Variants in CLDN12 observed in about 807,000 individuals in gnomAD.
CLDN12 encodes the protein claudin 12.
Under a neutral mutation model 15.5 loss-of-function variants are expected in CLDN12, and 9 were observed. The ratio of observed to expected loss-of-function variants is 0.58; its 90% CI spans 0.35 to 1.02. CLDN12 has a LOEUF of 1.02. CLDN12 is among the 50% of genes least tolerant of loss of function. CLDN12 has a pLI of 0.02. For missense variants in CLDN12, 233 were observed against 297.3 expected, an observed-to-expected ratio of 0.78 and a Z score of 1.59; for synonymous variants, 140 against 121.6, an observed-to-expected ratio of 1.15 and a Z score of -1.00.
At chr7:90,405,369 C>G (rs1443627162) in intron 1 of CLDN12, 150 bp from the exon 2 acceptor site, 1 of 152,134 alleles carries the variant, frequency 6.6e-6, no homozygotes, top group Admixed American at 6.5e-5. Flanking sequence ...GCTAAACTGC[C>G]TTTTTAAAAA....
chr7:90,413,859 T>C lies in CLDN12; in HGVS notation c.*448T>C. On this transcript the variant is annotated 3_prime_UTR_variant, in exon 4 of 4. Coordinates refer to ENST00000496677, the MANE Select transcript of CLDN12 (RefSeq NM_001185072.3). ...ATTTCAGGTAAGGGTAATATTTTAA[T>C]AGTAGTCAATAATCTAGCTTAAGGC... The C allele has an allele frequency of 3.0e-6, 3 of 999,716 alleles. No homozygotes were observed. Among genetic ancestry groups the C allele is most frequent in the Non-Finnish European group, 3.6e-6 (3 of 829,424 alleles). 61.9% of individuals were successfully genotyped at this position (999,716 alleles called of 1,614,324 possible).
chr7:90,414,170 A>C lies in CLDN12; in HGVS notation c.*759A>C. ...CTCTTTTTTGGAGATATCTTCCATC[A>C]AGCAGTACTCGTGCCCATATACAAT... On this transcript the variant is annotated 3_prime_UTR_variant, in exon 4 of 4. Transcript: ENST00000496677. 1 of 1,000,224 alleles carries C rather than the reference A, an allele frequency of 1.0e-6. No homozygotes were observed. Among genetic ancestry groups the C allele is most frequent in the Non-Finnish European group, 1.2e-6 (1 of 830,008 alleles). 62.0% of individuals were successfully genotyped at this position (1,000,224 alleles called of 1,614,324 possible). A position where few individuals can be genotyped will look rare whatever the true frequency, so the allele number is the denominator to read the frequency against.
In CLDN12 at chr7:90,405,537, CTG is replaced by C. The variant is rs773152966; in HGVS notation, c.-146_-145del. On this transcript the variant is annotated 5_prime_UTR_variant, in exon 2 of 4. Transcript: ENST00000496677. ...TCTTTAGGCTCAGATTATTGCTACT[CTG>C]TATTCAGATCTTCATGTGTCTCTTC... The C allele has an allele frequency of 9.2e-5, 14 of 152,172 alleles. No homozygotes were observed. The highest frequency in any genetic ancestry group is 8.8e-5 in the Non-Finnish European group (6 of 68,036). 9.4% of individuals were successfully genotyped at this position (152,172 alleles called of 1,614,324 possible). A position where few individuals can be genotyped will look rare whatever the true frequency, so the allele number is the denominator to read the frequency against.
chr7:90,404,483 A>C (rs536610741), intron 1 of CLDN12, among the ~76,000 whole-genome samples: 1 of 152,176 alleles, frequency 6.6e-6, no homozygotes, highest in African/African-American at 2.4e-5. Flanking sequence ...TAAAGTAGAT[A>C]TATAGAAGCA....
intron 2 of CLDN12, chr7:90,405,974 A>G (rs1431988057): frequency 6.6e-6 from 1 of 152,280 alleles, no homozygotes. Context: ...GTGGTGGTAC[A>G]TGCCTATAGT....
rs189780617 is a variant in CLDN12, at chr7:90,413,343, C to T, written c.667C>T (p.Pro223Ser). 1.9e-5 allele frequency: 30 copies of T among 1,614,180 alleles called. No homozygotes were observed. The highest frequency in any genetic ancestry group is 2.5e-6 in the Non-Finnish European group (3 of 1,180,014). Residue 223 changes from proline (P) to serine (S), a missense_variant, in exon 4 of 4, where the codon CCC becomes TCC. By Grantham distance (74) the Pro-to-Ser change is moderately conservative (BLOSUM62 -1). Coordinates refer to ENST00000496677, the MANE Select transcript of CLDN12 (RefSeq NM_001185072.3). ...ACCCAGTATGCATACTTACTCACAG[C>T]CCTATTCAGCACGCTCTCGCCTCTC... ...HPPSMHTYSQPYSARSRLSAI... is the reference protein window; with the variant it reads ...HPPSMHTYSQSYSARSRLSAI...
At chr7:90,406,296 AT>A (rs1229950926) in intron 2 of CLDN12, among the ~76,000 whole-genome samples, 3 of 152,150 alleles carry the variant, frequency 2.0e-5, no homozygotes, top group Non-Finnish European at 4.4e-5. Context: ...ATTTGAAAAT[AT>A]TTTTATTCGT....
intron 2 of CLDN12, among the ~76,000 whole-genome samples, chr7:90,410,968 G>A (rs1195782080): frequency 6.6e-6 from 1 of 151,936 alleles, no homozygotes; most frequent in Non-Finnish European, 1.5e-5. Flanking sequence ...TTGCACTCTA[G>A]CCTGGGCAAC....
intron 3 of CLDN12, chr7:90,412,395 C>T (rs925320370): frequency 2.7e-6 from 1 of 375,350 alleles, no homozygotes; most frequent in Non-Finnish European, 4.8e-6. Flanking sequence ...AGAAAAATAC[C>T]GATGGCTAAA....
intron 2 of CLDN12, among the ~76,000 whole-genome samples, chr7:90,406,757 T>C (rs533574582): frequency 6.6e-6 from 1 of 152,152 alleles, no homozygotes; most frequent in Non-Finnish European, 1.5e-5. Context: ...CCAAGCAGCC[T>C]CCTGGATGGA....
chr7:90,406,194 G>A (rs1796832929), intron 2 of CLDN12: 1 of 152,052 alleles, frequency 6.6e-6, no homozygotes, highest in Non-Finnish European at 1.5e-5. Context: ...AATAGTACAG[G>A]GTCTATTGGA....
At position 90,415,496 on chromosome 7, in the gene CLDN12, A is replaced by G. The variant is rs186714887; in HGVS notation, c.*2085A>G. The G allele has an allele frequency of 8.5e-4, 141 of 166,680 alleles. No homozygotes were observed. Among genetic ancestry groups the G allele is most frequent in the East Asian group, 4.8e-3 (25 of 5,200 alleles). The allele number at this position is 166,680 out of a possible 1,614,324, so 10.3% of individuals were successfully genotyped here. ...TGTAAATATAAACATTAACTTTCCT[A>G]TAAGAATATTTTGGCTTTGTAATCT... is the stretch of plus-strand genomic sequence containing the variant. On this transcript the variant is annotated 3_prime_UTR_variant, in exon 4 of 4. Coordinates refer to ENST00000496677, the MANE Select transcript of CLDN12 (RefSeq NM_001185072.3).
At chr7:90,411,584 A>G (rs1584667481) in intron 2 of CLDN12, among the ~76,000 whole-genome samples, 1 of 151,900 alleles carries the variant, frequency 6.6e-6, no homozygotes, top group East Asian at 1.9e-4. Context: ...GTAATAACCA[A>G]CAAGTGCTGT....
chr7:90,406,558 A>C (rs567913392), intron 2 of CLDN12, among the ~76,000 whole-genome samples: 6 of 152,246 alleles, frequency 3.9e-5, no homozygotes, highest in African/African-American at 1.4e-4. Flanking sequence ...GCCTGCTAAT[A>C]ATCATTACTG....
intron 1 of CLDN12, among the ~76,000 whole-genome samples, chr7:90,405,009 C>T (rs189063258): frequency 1.3e-5 from 2 of 151,878 alleles, no homozygotes; most frequent in African/African-American, 4.8e-5. Flanking sequence ...CCTTCCATGT[C>T]AGCCTCCCAA....
chr7:90,413,434 A>G lies in CLDN12; in HGVS notation c.*23A>G, dbSNP rs375989620. 674 of 1,600,240 alleles carry G rather than the reference A, an allele frequency of 4.2e-4. 8 individuals are homozygous for G. The South Asian group carries it at 7.1e-3, about 17-fold the overall frequency. ...TAATGGGGAAATAGTTAATTGTTAA[A>G]GAAAACTTCTTGTAGCCTCACATTC... On this transcript the variant is annotated 3_prime_UTR_variant, in exon 4 of 4. Transcript: ENST00000496677.
chr7:90,404,823 C>T (rs1031041567), intron 1 of CLDN12, among the ~76,000 whole-genome samples: 7 of 151,702 alleles, frequency 4.6e-5, no homozygotes, highest in East Asian at 1.9e-4. Flanking sequence ...TCTATTTCTA[C>T]GTATTTTTCT....
Position 90,414,273 on chromosome 7 carries a change from G to GA in CLDN12, c.*864dup. 2 of 1,000,308 alleles carry GA rather than the reference G, an allele frequency of 2.0e-6. No homozygotes were observed. Among genetic ancestry groups the GA allele is most frequent in the Non-Finnish European group, 2.4e-6 (2 of 830,004 alleles). 62.0% of individuals were successfully genotyped at this position (1,000,308 alleles called of 1,614,324 possible). A position where few individuals can be genotyped will look rare whatever the true frequency, so the allele number is the denominator to read the frequency against. ...TCAGACATAATTTAGTAGGGGACAA[G>GA]AAGTCTGTTCTTCAGTGAGTACACT... On this transcript the variant is annotated 3_prime_UTR_variant, in exon 4 of 4. Coordinates refer to ENST00000496677, the MANE Select transcript of CLDN12 (RefSeq NM_001185072.3).
At position 90,412,706 on chromosome 7, in the gene CLDN12, A is replaced by G; in HGVS notation, c.30A>G (p.Thr10=). The change falls in exon 4 of 4, where the codon ACA becomes ACG. Residue 10 remains threonine (T), a synonymous_variant. Coordinates refer to ENST00000496677, the MANE Select transcript of CLDN12 (RefSeq NM_001185072.3). MGCRDVHAA[T]VLSFLCGIAS... ...GCTGTCGGGATGTCCACGCAGCCAC[A>G]GTCCTTTCCTTCCTGTGTGGAATCG... The G allele has an allele frequency of 6.2e-7, 1 of 1,613,926 alleles. No homozygotes were observed.
Sources: gnomAD v4.1 joint callset for allele counts (sites outside exome capture counted in the v4.1 genomes callset) on GRCh38, gnomAD v4.1.1 for gene constraint, MANE v1.5 for transcripts, NCBI Gene and HGNC (gene_info 2026-07-23, HGNC 2026-07-21) for gene names.